The following ABCA3 variants were observed in gnomAD, a reference collection of about 807,000 sequenced individuals.
ABCA3 encodes the protein ATP binding cassette subfamily A member 3, also known as phospholipid-transporting ATPase ABCA3.
In ABCA3, 88 loss-of-function variants were observed where a neutral mutation model predicts 172.8. The ratio of observed to expected loss-of-function variants is 0.51; its 90% CI spans 0.43 to 0.61. ABCA3 has a LOEUF of 0.61. Ranked by LOEUF, ABCA3 falls within the 20% of genes least tolerant of loss-of-function variation. The pLI is 0.00. For synonymous variants in ABCA3, 1,066 were observed against 983.8 expected, an observed-to-expected ratio of 1.08 and a Z score of -1.56; for missense variants, 2,164 against 2,301.0, an observed-to-expected ratio of 0.94 and a Z score of 1.22.
In ABCA3 at chr16:2,284,804, C is replaced by G. The variant is rs370547279; in HGVS notation, c.3678G>C (p.Leu1226=). 4 of 1,613,822 alleles carry G rather than the reference C, an allele frequency of 2.5e-6. No homozygotes were observed. In the African/African-American group the frequency reaches 5.3e-5, roughly 22 times the overall value. ...CTGGGATGCGCATGATGGTGACCAT[C>G]AGGAAGGTGGCGATGCCTGACAGGA... is the stretch of plus-strand genomic sequence containing the variant. ...FNILSGIATF[L]MVTIMRIPAV... Residue 1226 remains leucine (L), a synonymous_variant, in exon 24 of 33, where the codon CTG becomes CTC. Transcript: ENST00000301732. The surrounding 1 kb of genome is among the most constrained non-coding windows in gnomAD (Gnocchi z 5.9).
At chr16:2,339,913 C>T (rs543022912) in intron 1 of ABCA3, among the ~76,000 whole-genome samples, 2 of 152,386 alleles carry the variant, frequency 1.3e-5, no homozygotes, top group South Asian at 4.1e-4. Context: ...GCGTCCTGAC[C>T]GAGGGCGCCG....
chr16:2,332,910 G>A (rs1410176843), intron 1 of ABCA3, among the ~76,000 whole-genome samples: 1 of 152,068 alleles, frequency 6.6e-6, no homozygotes, highest in Non-Finnish European at 1.5e-5. Flanking sequence ...GGGCTCAAGT[G>A]ATCGTCTTGC....
Position 2,278,867 on chromosome 16 carries a change from G to T in ABCA3, c.4547+76C>A. The T allele has an allele frequency of 6.3e-7, 1 of 1,598,738 alleles. No homozygotes were observed. ...GGAGCTCTGGCTGCTGACCTGAGCG[G>T]TCACTCCCAGCTCTATGCTATGGGG... On this transcript the variant is annotated intron_variant, in intron 29 of 32. Coordinates refer to ENST00000301732, the MANE Select transcript of ABCA3 (RefSeq NM_001089.3). This position sits in a 1 kb window ranked among gnomAD's most constrained non-coding sequence, Gnocchi z 4.4.
chr16:2,284,725 C>T lies in ABCA3; in HGVS notation c.3703+54G>A, dbSNP rs147513038. ...TGTGGCTGGTGCCTCCCTGTCTGGG[C>T]GGAGTGGCTCCGTGGATGGCCATGG... On this transcript the variant is annotated intron_variant, in intron 24 of 32. Coordinates refer to ENST00000301732, the MANE Select transcript of ABCA3 (RefSeq NM_001089.3). This position sits in a 1 kb window ranked among gnomAD's most constrained non-coding sequence, Gnocchi z 5.9. 3.6e-3 allele frequency: 5,667 copies of T among 1,560,250 alleles called. 18 individuals are homozygous for T. Among genetic ancestry groups the T allele is most frequent in the Non-Finnish European group, 4.4e-3 (5,023 of 1,147,986 alleles).
intron 10 of ABCA3, among the ~76,000 whole-genome samples, chr16:2,315,268 C>T (rs1300168565): frequency 1.3e-5 from 2 of 151,366 alleles, no homozygotes; most frequent in Admixed American, 6.6e-5. Flanking sequence ...AGATATTACC[C>T]GAAATCTCAT....
chr16:2,312,966 A>C (rs1303469084), intron 10 of ABCA3, among the ~76,000 whole-genome samples: 2 of 151,902 alleles, frequency 1.3e-5, no homozygotes, highest in African/African-American at 4.8e-5. Flanking sequence ...AAGTGGAAGG[A>C]TCACTCGAGC....
intron 10 of ABCA3, among the ~76,000 whole-genome samples, chr16:2,314,174 T>C (rs180872165): frequency 8.1e-4 from 123 of 152,262 alleles, no homozygotes; most frequent in Non-Finnish European, 1.4e-3. Context: ...CAGGGACCCA[T>C]GTCCAGCACA....
Position 2,326,273 on chromosome 16 carries a change from T to C in ABCA3, c.56A>G (p.Lys19Arg). ...CAGGACCGTCACCAGGACCTTCCGC[T>C]TCTGGAAGAGATACAATAGGGCACG... ...LLLWKNYTLQ[K>R]RKVLVTVLEL... Residue 19 changes from lysine (K) to arginine (R), a missense_variant and splice_region_variant, in exon 5 of 33, where the codon AAG becomes AGG. Lys to Arg is a conservative substitution (Grantham distance 26). This residue lies in a region of ABCA3 where 1,343 missense variants were observed against 1,369.6 expected (regional missense o/e 0.98). Coordinates refer to ENST00000301732, the MANE Select transcript of ABCA3 (RefSeq NM_001089.3). 7 of 1,612,992 alleles carry C rather than the reference T, an allele frequency of 4.3e-6. No individual in the cohort carries two copies. Among genetic ancestry groups the C allele is most frequent in the Middle Eastern group, 1.7e-4 (1 of 6,060 alleles).
intron 9 of ABCA3, 56 bp downstream of exon 9, chr16:2,317,592 C>A (rs1371356605): frequency 6.3e-7 from 1 of 1,598,042 alleles, no homozygotes; most frequent in African/African-American, 1.3e-5. Context: ...GAGGGCCCTC[C>A]TGGGGTGCCC....
chr16:2,286,203 T>C lies in ABCA3; in HGVS notation c.3278+491A>G, dbSNP rs558638342. Among the ~76,000 whole-genome samples the C allele has an allele frequency of 1.3e-5, 2 of 152,270 alleles. No homozygotes were observed. The highest frequency in any genetic ancestry group is 2.9e-5 in the Non-Finnish European group (2 of 68,012). Reference sequence around the variant, plus strand: ...AACAGAATTTTTGGCCTCCTCTGGGTGGTTCCAGGAGCTCTGGGGGCTCTG... The same window carrying C: ...AACAGAATTTTTGGCCTCCTCTGGGCGGTTCCAGGAGCTCTGGGGGCTCTG... On this transcript the variant is annotated intron_variant, in intron 22 of 32. Transcript: ENST00000301732. This position sits in a 1 kb window ranked among gnomAD's most constrained non-coding sequence, Gnocchi z 5.2.
intron 10 of ABCA3, among the ~76,000 whole-genome samples, chr16:2,313,764 G>A (rs940033800): frequency 6.6e-5 from 10 of 150,844 alleles, no homozygotes; most frequent in South Asian, 2.1e-4. Context: ...GTATGGTGGC[G>A]GGCGCCTGTA....
rs945684187 is a variant in ABCA3, at chr16:2,297,594, G to A, written c.2053-55C>T. 521 of 1,603,728 alleles carry A rather than the reference G, an allele frequency of 3.2e-4. 2 individuals carry two copies. The highest frequency in any genetic ancestry group is 3.5e-4 in the Non-Finnish European group (416 of 1,176,386). On this transcript the variant is annotated intron_variant, in intron 16 of 32. Transcript: ENST00000301732. This position sits in a 1 kb window ranked among gnomAD's most constrained non-coding sequence, Gnocchi z 5.6. Reference sequence around the variant, plus strand: ...TGGTAGAGCCACACCCCGGGCCCAGGCTGGCCTTGCGGTAGGCCCCATCGA... The same window carrying A: ...TGGTAGAGCCACACCCCGGGCCCAGACTGGCCTTGCGGTAGGCCCCATCGA...
chr16:2,319,629 C>T lies in ABCA3; in HGVS notation c.825G>A (p.Ala275=), dbSNP rs1177789052. ...LLLLLSFTYT[A]LTIARAVVQE... is the part of the protein sequence containing the mutation. ...GCACGACAGCACGGGCAATGGTGAG[C>T]GCGGTGTAGGTGAAGCTGAGCAGCA... Residue 275 remains alanine, a synonymous_variant, in exon 8 of 33, where the codon GCG becomes GCA. Coordinates refer to ENST00000301732, the MANE Select transcript of ABCA3 (RefSeq NM_001089.3). 29 of 1,613,330 alleles carry T rather than the reference C, an allele frequency of 1.8e-5. No homozygotes were observed. The highest frequency in any genetic ancestry group is 6.7e-5 in the Admixed American group (4 of 59,982).
rs776731355 is a variant in ABCA3 at position 2,284,336 on chromosome 16, C to G, written c.3805G>C (p.Glu1269Gln). The change falls in exon 25 of 33, where the codon GAG becomes CAG. Residue 1269 changes from glutamate (E) to glutamine (Q), a missense_variant. This residue lies in a region of ABCA3 where 795 missense variants were observed against 881.9 expected (regional missense o/e 0.90). Transcript: ENST00000301732. This position sits in a 1 kb window ranked among gnomAD's most constrained non-coding sequence, Gnocchi z 5.9. The part of the protein sequence containing the change: ...MAVSSFYENY[E>Q]TRRYCTSSEV... ...GAGGAGGTGCAGTACCTCCGCGTCT[C>G]GTAGTTCTCGTAGAAACTGCTGACT... 3 of 1,613,910 alleles carry G rather than the reference C, an allele frequency of 1.9e-6. No homozygotes were observed. The highest frequency in any genetic ancestry group is 2.5e-6 in the Non-Finnish European group (3 of 1,179,998).
At position 2,287,069 on chromosome 16, in the gene ABCA3, A is replaced by G. The variant is rs2093664337; in HGVS notation, c.3005-102T>C. 7.3e-7 allele frequency: 1 copy of G among 1,373,826 alleles called. No homozygotes were observed. Among genetic ancestry groups the G allele is most frequent in the Non-Finnish European group, 1.0e-6 (1 of 996,876 alleles). The allele number at this position is 1,373,826 out of a possible 1,614,324, so 85.1% of individuals were successfully genotyped here. ...ATCAGGGACCCAATAGAGTGGTGCCAGCATCCTCTGAGCTGCCCGCCCCAT... is the reference window on the plus strand; with the variant it reads ...ATCAGGGACCCAATAGAGTGGTGCCGGCATCCTCTGAGCTGCCCGCCCCAT... On this transcript the variant is annotated intron_variant, in intron 21 of 32. Coordinates refer to ENST00000301732, the MANE Select transcript of ABCA3 (RefSeq NM_001089.3). The surrounding 1 kb of genome is among the most constrained non-coding windows in gnomAD (Gnocchi z 4.1).
At chr16:2,323,723 A>AGATC in intron 6 of ABCA3, 35 bp from the exon 7 acceptor site, 1 of 1,613,644 alleles carries the variant, frequency 6.2e-7, no homozygotes, top group Non-Finnish European at 8.5e-7. Flanking sequence ...CTGTTCCGAG[A>AGATC]GATCCAGACA....
In ABCA3 at chr16:2,285,121, T is replaced by TCAGCCCCA; in HGVS notation, c.3484-131_3484-124dup. 8.7e-7 allele frequency: 1 copy of TCAGCCCCA among 1,144,266 alleles called. No homozygotes were observed. The highest frequency in any genetic ancestry group is 1.3e-6 in the Non-Finnish European group (1 of 791,330). The allele number at this position is 1,144,266 out of a possible 1,614,324, so 70.9% of individuals were successfully genotyped here. A position where few individuals can be genotyped will look rare whatever the true frequency, so the allele number is the denominator to read the frequency against. ...CTCCCGGTCAGCTGGCCCATGTCCA[T>TCAGCCCCA]CAGCCCCACAGGCCACGTCTGGCCC... On this transcript the variant is annotated intron_variant, in intron 23 of 32. Coordinates refer to ENST00000301732, the MANE Select transcript of ABCA3 (RefSeq NM_001089.3). This position sits in a 1 kb window ranked among gnomAD's most constrained non-coding sequence, Gnocchi z 4.7.
intron 17 of ABCA3, among the ~76,000 whole-genome samples, chr16:2,296,479 C>T: frequency 6.6e-6 from 1 of 152,216 alleles, no homozygotes; most frequent in East Asian, 1.9e-4. Context: ...AAGTGATCTG[C>T]CTGCCTTGGC....
chr16:2,306,177 T>G (rs1041955839), intron 11 of ABCA3, among the ~76,000 whole-genome samples: 1 of 151,934 alleles, frequency 6.6e-6, no homozygotes, highest in Non-Finnish European at 1.5e-5. Flanking sequence ...CACAGACAAA[T>G]TAGCCAGGTG....
Sources: allele counts gnomAD v4.1 joint callset (sites outside exome capture counted in the v4.1 genomes callset), GRCh38; gene constraint gnomAD v4.1.1; regional missense constraint gnomAD v4.1.1; non-coding constraint Gnocchi (gnomAD v3.1); transcripts MANE v1.5; gene names NCBI Gene and HGNC (gene_info 2026-07-23, HGNC 2026-07-21).